Variants in CDK11A observed in about 807,000 individuals in gnomAD.
The protein encoded by CDK11A is cyclin-dependent kinase 11A.
Under a neutral mutation model 83.6 loss-of-function variants are expected in CDK11A, and 55 were observed. That is an observed-to-expected ratio of 0.66 (90% confidence interval 0.53 to 0.82). CDK11A has a LOEUF of 0.82. Among genes scored for constraint, CDK11A ranks in the 40% least tolerant of loss-of-function variants. CDK11A has a pLI of 0.00. For missense variants in CDK11A, 564 were observed against 810.1 expected (o/e 0.70, Z 3.69); for synonymous variants, 247 against 302.7 (o/e 0.82, Z 1.91).
intron 3 of CDK11A, 24 bp downstream of exon 3, chr1:1,721,572 T>C: frequency 6.2e-7 from 1 of 1,601,334 alleles, no homozygotes; most frequent in Non-Finnish European, 8.5e-7. Flanking sequence ...CAGTTGGGTC[T>C]TGCACATCTG....
chr1:1,715,226 G>T lies in CDK11A; in HGVS notation c.488+1120C>A, dbSNP rs1235428961. 5.1e-5 allele frequency among the ~76,000 whole-genome samples: 6 copies of T among 118,114 alleles called. No homozygotes were observed. The Admixed American group carries it at 5.8e-4, about 11-fold the overall frequency. The allele number at this position is 118,114 out of a possible 152,430, so 77.5% of individuals were successfully genotyped here. ...GTCAGAGACAAGGTCTCTCTACGTTGCCCAGGCTGGCGTCATGCGGTCCTC... is the reference window on the plus strand; with the variant it reads ...GTCAGAGACAAGGTCTCTCTACGTTTCCCAGGCTGGCGTCATGCGGTCCTC... On this transcript the variant is annotated intron_variant, in intron 5 of 19. Transcript: ENST00000404249.
At position 1,702,857 on chromosome 1, in the gene CDK11A, C is replaced by T. The variant is rs1392096930; in HGVS notation, c.*50G>A. The stretch of plus-strand genomic sequence containing the variant: ...ATCGCAGCTCCAGCCGCAGTAGCCA[C>T]GCCTGTGGTCCCGGCTGAGTTCTCC... On this transcript the variant is annotated 3_prime_UTR_variant, in exon 20 of 20. Coordinates refer to ENST00000404249, the MANE Select transcript of CDK11A (RefSeq NM_024011.4). 6 of 281,890 alleles carry T rather than the reference C, an allele frequency of 2.1e-5. No homozygotes were observed. Among genetic ancestry groups the T allele is most frequent in the East Asian group, 5.5e-5 (1 of 18,040 alleles). 17.5% of individuals were successfully genotyped at this position (281,890 alleles called of 1,614,324 possible).
chr1:1,717,188 C>A (rs1353194801), intron 4 of CDK11A, among the ~76,000 whole-genome samples: 1 of 151,102 alleles, frequency 6.6e-6, no homozygotes, highest in Non-Finnish European at 1.5e-5. Context: ...TAATATTCAT[C>A]TTTTAAAAAT....
intron 3 of CDK11A, among the ~76,000 whole-genome samples, 160 bp from the exon 4 acceptor site, chr1:1,719,615 C>CTTT (rs750830146): frequency 4.3e-5 from 2 of 46,022 alleles, no homozygotes; most frequent in Non-Finnish European, 6.7e-5. Flanking sequence ...CTTCAGGCAT[C>CTTT]TTTTTTTTTT....
chr1:1,717,804 GAC>G (rs982996406), intron 4 of CDK11A, among the ~76,000 whole-genome samples: 1 of 150,482 alleles, frequency 6.6e-6, no homozygotes, highest in African/African-American at 2.4e-5. Context: ...TTCGGTCTGT[GAC>G]ACACGCACGC....
chr1:1,718,591 CCA>C (rs1644772337), intron 4 of CDK11A, among the ~76,000 whole-genome samples: 1 of 150,544 alleles, frequency 6.6e-6, no homozygotes, highest in Non-Finnish European at 1.5e-5. Flanking sequence ...CTCTCTATAG[CCA>C]TTCTGAACGG....
At chr1:1,720,814 C>T (rs1468903456) in intron 3 of CDK11A, among the ~76,000 whole-genome samples, 1 of 151,168 alleles carries the variant, frequency 6.6e-6, no homozygotes, top group Non-Finnish European at 1.5e-5. Flanking sequence ...GCCTCAGCCT[C>T]CTGAGTAGCT....
chr1:1,703,819 C>G lies in CDK11A; in HGVS notation c.1911+5G>C. On this transcript the variant is annotated splice_donor_5th_base_variant and intron_variant, in intron 17 of 19. Coordinates refer to ENST00000404249, the MANE Select transcript of CDK11A (RefSeq NM_024011.4). ...ATAGCGCACCTGCGGCAGGGCCAGACCCACCTTGAACACTTTGTTGATCTG... is the reference window on the plus strand; with the variant it reads ...ATAGCGCACCTGCGGCAGGGCCAGAGCCACCTTGAACACTTTGTTGATCTG... The G allele has an allele frequency of 6.2e-7, 1 of 1,609,584 alleles. No homozygotes were observed. The highest frequency in any genetic ancestry group is 8.5e-7 in the Non-Finnish European group (1 of 1,176,882).
At chr1:1,719,073 G>C in intron 4 of CDK11A, 1 of 243,010 alleles carries the variant, frequency 4.1e-6, no homozygotes, top group Non-Finnish European at 7.9e-6. Context: ...TGCTCTCTCT[G>C]GTTTTCGGTC....
Position 1,704,611 on chromosome 1 carries a change from C to G in CDK11A, c.1503G>C (p.Met501Ile). The change falls in exon 14 of 20, where the codon ATG becomes ATC. Residue 501 changes from methionine to isoleucine, a missense_variant. By Grantham distance (10) the Met-to-Ile change is conservative. This residue lies in a region of CDK11A where 361 missense variants were observed against 402.7 expected (regional missense o/e 0.90). Transcript: ENST00000404249. ...TCTTGAGGTCGTGCTCCACGTAGTT[C>G]ATCACGATGTAGATCTTGTCCATGT... Reference protein sequence around the residue: ...GSNMDKIYIVMNYVEHDLKSL... With the variant: ...GSNMDKIYIVINYVEHDLKSL... 6.2e-7 allele frequency: 1 copy of G among 1,600,008 alleles called. No homozygotes were observed. Among genetic ancestry groups the G allele is most frequent in the South Asian group, 1.1e-5 (1 of 89,314 alleles).
At chr1:1,712,512 A>ATT in intron 5 of CDK11A, 112 bp from the exon 6 acceptor site, 1 of 469,156 alleles carries the variant, frequency 2.1e-6, no homozygotes, top group Non-Finnish European at 3.7e-6. Context: ...TTTTTTTTTC[A>ATT]TTTTTTTATT....
At position 1,703,977 on chromosome 1, in the gene CDK11A, C is replaced by T. The variant is rs371892524; in HGVS notation, c.1795-37G>A. On this transcript the variant is annotated intron_variant, in intron 16 of 19. Coordinates refer to ENST00000404249, the MANE Select transcript of CDK11A (RefSeq NM_024011.4). Reference sequence around the variant, plus strand: ...GGAGAGGTGTTCAGGAAGGCCAGTGCCCGCGAAGCTGTGGGAGGCTGCATG... The same window carrying T: ...GGAGAGGTGTTCAGGAAGGCCAGTGTCCGCGAAGCTGTGGGAGGCTGCATG... 1.6e-5 allele frequency: 26 copies of T among 1,607,478 alleles called. 1 individual carries two copies. In the African/African-American group the frequency reaches 3.0e-4, roughly 18 times the overall value.
rs1644932319 is a variant in CDK11A, at chr1:1,722,240, T to A, written c.111+468A>T. ...AATAAAGTGAAGTGCAAGGTATGCC[T>A]GTACTCACTAACATCCCAAATGATG... On this transcript the variant is annotated intron_variant, in intron 2 of 19. Transcript: ENST00000404249. Among the ~76,000 whole-genome samples, 4 of 151,182 alleles carry A rather than the reference T, an allele frequency of 2.6e-5. No homozygotes were observed. In the Admixed American group the frequency reaches 2.7e-4, roughly 10 times the overall value.
At chr1:1,718,104 C>T (rs1305581812) in intron 4 of CDK11A, among the ~76,000 whole-genome samples, 8 of 140,884 alleles carry the variant, frequency 5.7e-5, no homozygotes, top group Non-Finnish European at 1.5e-5. Context: ...CTAGAGTTTG[C>T]TCTTTCTGGT....
chr1:1,716,537 G>C, intron 4 of CDK11A, 59 bp from the exon 5 acceptor site: 1 of 1,555,162 alleles, frequency 6.4e-7, no homozygotes. Flanking sequence ...CACGAGGCCG[G>C]GCACGGTGGC....
At chr1:1,716,814 C>CAAAAAAAAAAAAAAAAAAAAAAA (rs1168780288) in intron 4 of CDK11A, among the ~76,000 whole-genome samples, 1 of 76,680 alleles carries the variant, frequency 1.3e-5, no homozygotes, top group Admixed American at 1.5e-4. Context: ...GACTCCATCT[C>CAAAAAAAAAAAAAAAAAAAAAAA]AAAAAAAAAA....
chr1:1,704,651 A>T lies in CDK11A; in HGVS notation c.1463T>A (p.Ile488Asn). The T allele has an allele frequency of 6.3e-7, 1 of 1,596,562 alleles. No homozygotes were observed. The highest frequency in any genetic ancestry group is 8.5e-7 in the Non-Finnish European group (1 of 1,170,850). The change falls in exon 14 of 20, where the codon ATT (isoleucine) becomes AAT (asparagine). Residue 488 changes from isoleucine to asparagine, a missense_variant. By Grantham distance (149) the Ile-to-Asn change is moderately radical. Around this residue, in one of 5 missense-constraint regions of CDK11A, gnomAD observed 361 missense variants for 402.7 expected, o/e 0.90. Coordinates refer to ENST00000404249, the MANE Select transcript of CDK11A (RefSeq NM_024011.4). ...QHPNIVTVRE[I>N]VVGSNMDKIY... is the part of the protein sequence containing the mutation. ...CTTGTCCATGTTGCTGCCCACCACA[A>T]TCTCCTGCAGGGCACGGCTCTGTGG... is the stretch of plus-strand genomic sequence containing the variant.
chr1:1,703,727 C>A (rs1344449910), intron 17 of CDK11A, 97 bp downstream of exon 17: 7 of 1,550,696 alleles, frequency 4.5e-6, no homozygotes, highest in Non-Finnish European at 6.1e-6. Flanking sequence ...CTCAGTGGCC[C>A]TGGTCCCCAT....
intron 4 of CDK11A, among the ~76,000 whole-genome samples, chr1:1,718,829 G>T (rs1357316509): frequency 2.0e-5 from 3 of 150,444 alleles, no homozygotes; most frequent in African/African-American, 7.3e-5. Context: ...GTAGAGACTG[G>T]GTTTCACCGT....
Sources: allele counts gnomAD v4.1 joint callset (sites outside exome capture counted in the v4.1 genomes callset), GRCh38; gene constraint gnomAD v4.1.1; regional missense constraint gnomAD v4.1.1; transcripts MANE v1.5; gene names NCBI Gene and HGNC (gene_info 2026-07-23, HGNC 2026-07-21).